LRGUK: variants seen among roughly 807,000 people sequenced by gnomAD.
The protein encoded by LRGUK is leucine-rich repeat and guanylate kinase domain-containing protein.
LRGUK carries 65 observed loss-of-function variants against 76.0 expected under a neutral mutation model. That is an observed-to-expected ratio of 0.85 (90% confidence interval 0.70 to 1.05). LRGUK has a LOEUF of 1.05. Ranked by LOEUF, LRGUK falls within the 50% of genes least tolerant of loss-of-function variation. The pLI is 0.00. For synonymous variants in LRGUK, 268 were observed against 265.6 expected (o/e 1.01, Z -0.09); for missense variants, 758 against 732.8 (o/e 1.03, Z -0.40).
chr7:134,173,785 G>C (rs1799360807), intron 7 of LRGUK, among the ~76,000 whole-genome samples: 1 of 152,146 alleles, frequency 6.6e-6, no homozygotes, highest in South Asian at 2.1e-4. Flanking sequence ...ATAATTCTCT[G>C]TTGGAAAAAG....
At chr7:134,225,569 A>G (rs149808687) in intron 16 of LRGUK, among the ~76,000 whole-genome samples, 9 of 152,372 alleles carry the variant, frequency 5.9e-5, no homozygotes, top group African/African-American at 2.2e-4. Context: ...AGGTAGTTTC[A>G]TAGAAAAGCA....
At chr7:134,188,378 T>C (rs1465966800) in intron 11 of LRGUK, among the ~76,000 whole-genome samples, 1 of 152,076 alleles carries the variant, frequency 6.6e-6, no homozygotes. Context: ...GGTCCGGTCA[T>C]AAAGGATTTC....
chr7:134,138,955 G>A (rs1049031404), intron 2 of LRGUK, among the ~76,000 whole-genome samples: 1 of 151,970 alleles, frequency 6.6e-6, no homozygotes, highest in Non-Finnish European at 1.5e-5. Flanking sequence ...TGTTTGATCA[G>A]ATGAGATTAT....
exon 20 of LRGUK, chr7:134,264,177 T>G (rs148722319): frequency 2.2e-4 from 95 of 431,052 alleles, no homozygotes; most frequent in African/African-American, 1.8e-3. Flanking sequence ...AAAAAATTGT[T>G]TCTTAAATGA....
intron 16 of LRGUK, among the ~76,000 whole-genome samples, chr7:134,228,090 A>G (rs2117168171): frequency 6.6e-6 from 1 of 152,338 alleles, no homozygotes; most frequent in African/African-American, 2.4e-5. Context: ...AAAACAAAGG[A>G]AAATACCTAA....
chr7:134,258,427 G>A (rs372424461), intron 19 of LRGUK, 22 bp downstream of exon 19: 140 of 1,609,834 alleles, frequency 8.7e-5, no homozygotes, highest in South Asian at 6.9e-4. Flanking sequence ...GCCAAGCGCG[G>A]TGGCTCATGC....
intron 11 of LRGUK, among the ~76,000 whole-genome samples, chr7:134,190,740 C>A (rs1384559042): frequency 6.6e-6 from 1 of 152,140 alleles, no homozygotes; most frequent in East Asian, 1.9e-4. Context: ...ATTTTTCATT[C>A]ATTTTACAAA....
At chr7:134,164,393 A>G (rs941164785) in intron 7 of LRGUK, among the ~76,000 whole-genome samples, 1 of 152,202 alleles carries the variant, frequency 6.6e-6, no homozygotes, top group Non-Finnish European at 1.5e-5. Flanking sequence ...TCAAATTTTC[A>G]GGTCTGGCTT....
At chr7:134,190,501 C>T (rs762916975) in intron 11 of LRGUK, among the ~76,000 whole-genome samples, 1 of 152,204 alleles carries the variant, frequency 6.6e-6, no homozygotes, top group Non-Finnish European at 1.5e-5. Context: ...AGCTACTGTG[C>T]CTGGCTCTCA....
At chr7:134,272,770 T>C in the LRGUK span, among the ~76,000 whole-genome samples, 23 of 152,324 alleles carry the variant, frequency 1.5e-4, no homozygotes, top group East Asian at 2.5e-3. Context: ...ATTAAGAGTC[T>C]TGTGATGATT....
chr7:134,149,593 G>A (rs1170505167), intron 5 of LRGUK, among the ~76,000 whole-genome samples: 1 of 152,176 alleles, frequency 6.6e-6, no homozygotes, highest in Admixed American at 6.5e-5. Flanking sequence ...GCAATTAGTG[G>A]ACATTTAGAT....
At chr7:134,138,401 G>A (rs978005092) in intron 2 of LRGUK, among the ~76,000 whole-genome samples, 1 of 151,854 alleles carries the variant, frequency 6.6e-6, no homozygotes, top group Non-Finnish European at 1.5e-5. Context: ...CTAGTTTGGT[G>A]ATTTTTTTTT....
At chr7:134,205,895 G>A (rs1800982429) in intron 15 of LRGUK, among the ~76,000 whole-genome samples, 1 of 152,190 alleles carries the variant, frequency 6.6e-6, no homozygotes, top group African/African-American at 2.4e-5. Flanking sequence ...TCTTAAAGTG[G>A]TAATCCTGTA....
At chr7:134,258,533 A>G (rs1802642518) in intron 19 of LRGUK, 128 bp downstream of exon 19, 1 of 816,348 alleles carries the variant, frequency 1.2e-6, no homozygotes, top group Non-Finnish European at 1.8e-6. Context: ...CCCCATCTCT[A>G]CTAAAAATAC....
At chr7:134,239,727 A>T (rs1802094464) in intron 16 of LRGUK, among the ~76,000 whole-genome samples, 1 of 152,162 alleles carries the variant, frequency 6.6e-6, no homozygotes, top group Admixed American at 6.5e-5. Flanking sequence ...AGAGTTTGAG[A>T]TCTGAGAACA....
At chr7:134,134,045 G>C (rs1266165688) in intron 1 of LRGUK, among the ~76,000 whole-genome samples, 1 of 151,100 alleles carries the variant, frequency 6.6e-6, no homozygotes, top group African/African-American at 2.4e-5. Flanking sequence ...CCAGGTGACA[G>C]AGCGAGACCA....
intron 1 of LRGUK, among the ~76,000 whole-genome samples, chr7:134,129,086 C>A (rs1797163032): frequency 6.7e-6 from 1 of 149,690 alleles, no homozygotes; most frequent in Non-Finnish European, 1.5e-5. Context: ...TTTCTCCTTC[C>A]TTCCTTCCTC....
chr7:134,221,751 T>C (rs756925848), intron 15 of LRGUK, 28 bp from the exon 16 acceptor site: 2 of 1,458,726 alleles, frequency 1.4e-6, no homozygotes, highest in South Asian at 1.6e-5. Flanking sequence ...TGACTTTTAT[T>C]TTAAACTTTA....
intron 5 of LRGUK, among the ~76,000 whole-genome samples, chr7:134,152,852 A>C (rs1035116024): frequency 1.3e-5 from 2 of 152,104 alleles, no homozygotes; most frequent in Non-Finnish European, 2.9e-5. Flanking sequence ...AGAAAGCATA[A>C]GTTATGGTAT....
Sources: allele counts gnomAD v4.1 joint callset (sites outside exome capture counted in the v4.1 genomes callset), GRCh38; gene constraint gnomAD v4.1.1; transcripts MANE v1.5; gene names NCBI Gene and HGNC (gene_info 2026-07-23, HGNC 2026-07-21).